The following RPL7A variants were observed in gnomAD, a reference collection of about 807,000 sequenced individuals.
The protein encoded by RPL7A is large ribosomal subunit protein eL8.
For missense variants in RPL7A, 291 were observed against 338.2 expected, an observed-to-expected ratio of 0.86 and a Z score of 1.09; for synonymous variants, 158 against 128.2, an observed-to-expected ratio of 1.23 and a Z score of -1.57.
rs2129997881 is a variant in RPL7A at position 133,351,065 on chromosome 9, C to T, written c.690C>T (p.Tyr230=). Residue 230 remains tyrosine (Y), a synonymous_variant, in exon 7 of 8, where the codon TAC becomes TAT. Transcript: ENST00000323345. ...TCAGGACCAATTACAATGACAGATA[C>T]GATGAGGTAAGAGGCAGCTTTACAC... ...EAIRTNYNDR[Y]DEIRRHWGGN... is the part of the protein sequence containing the mutation. The T allele has an allele frequency of 9.9e-6, 16 of 1,613,804 alleles. No homozygotes were observed. Among genetic ancestry groups the T allele is most frequent in the African/African-American group, 4.0e-5 (3 of 75,044 alleles).
chr9:133,350,118 G>A, intron 4 of RPL7A, 66 bp downstream of exon 4: 1 of 1,613,534 alleles, frequency 6.2e-7, no homozygotes, highest in Non-Finnish European at 8.5e-7. Context: ...AAATTTCTTG[G>A]CCTGAAATTA....
chr9:133,348,513 C>A (rs1006600393), intron 1 of RPL7A: 94 of 605,632 alleles, frequency 1.6e-4, no homozygotes, highest in East Asian at 3.9e-4. Context: ...TGGAGCACCG[C>A]AGTGCGGGGC....
chr9:133,348,309 C>T (rs1836267470), intron 1 of RPL7A, 63 bp downstream of exon 1: 3 of 1,612,578 alleles, frequency 1.9e-6, no homozygotes, highest in East Asian at 2.2e-5. Context: ...TGCCATCCTC[C>T]TCCAGGCGCG....
At position 133,349,727 on chromosome 9, in the gene RPL7A, T is replaced by C. The variant is rs1177090871; in HGVS notation, c.274+27T>C. The C allele has an allele frequency of 5.0e-6, 8 of 1,610,888 alleles. No individual in the cohort carries two copies. The South Asian group carries it at 5.5e-5, about 11-fold the overall frequency. ...TGAGGTTCTGTGGCGTGGAAAGGAG[T>C]TTCTCAGGCAAGGATTCCTTATTTC... On this transcript the variant is annotated intron_variant, in intron 3 of 7. Transcript: ENST00000323345.
intron 4 of RPL7A, 86 bp downstream of exon 4, chr9:133,350,138 GT>G: frequency 6.2e-7 from 1 of 1,613,388 alleles, no homozygotes. Flanking sequence ...ACTGTGAAGA[GT>G]AAAACCGAGC....
intron 1 of RPL7A, chr9:133,348,615 C>A (rs1397571663): frequency 1.6e-6 from 1 of 621,392 alleles, no homozygotes; most frequent in Non-Finnish European, 2.9e-6. Flanking sequence ...GCTTCTAGAG[C>A]CTGTGGGGCC....
chr9:133,350,875 C>A, intron 6 of RPL7A, 127 bp from the exon 7 acceptor site: 1 of 1,466,074 alleles, frequency 6.8e-7, no homozygotes, highest in Non-Finnish European at 9.6e-7. Context: ...ATTTCTTCAC[C>A]TGAATAAACC....
At chr9:133,348,330 G>T in intron 1 of RPL7A, 84 bp downstream of exon 1, 1 of 1,571,060 alleles carries the variant, frequency 6.4e-7, no homozygotes, top group Non-Finnish European at 8.8e-7. Context: ...GCCTCGGAGG[G>T]CCTCCTGCTC....
At chr9:133,350,563 C>A (rs2129994664) in intron 5 of RPL7A, 34 bp from the exon 6 acceptor site, 2 of 1,614,156 alleles carry the variant, frequency 1.2e-6, no homozygotes, top group South Asian at 1.1e-5. Flanking sequence ...TGCTTTTGGT[C>A]AAAATACAGT....
At chr9:133,349,839 A>G in intron 3 of RPL7A, 73 bp from the exon 4 acceptor site, 5 of 1,589,654 alleles carry the variant, frequency 3.1e-6, no homozygotes, top group Non-Finnish European at 4.3e-6. Context: ...GCAGTCCAGC[A>G]TTTGTTATTA....
intron 1 of RPL7A, 149 bp from the exon 2 acceptor site, chr9:133,348,773 G>C (rs781815904): frequency 8.6e-7 from 1 of 1,162,326 alleles, no homozygotes; most frequent in Non-Finnish European, 1.3e-6. Context: ...CTGTCGAGGG[G>C]TGGTGCTGGG....
Position 133,350,582 on chromosome 9 carries a change from A to G in RPL7A, c.496-15A>G, listed in dbSNP as rs2129994864. 1 of 1,614,040 alleles carries G rather than the reference A, an allele frequency of 6.2e-7. No individual in the cohort carries two copies. On this transcript the variant is annotated splice_polypyrimidine_tract_variant and intron_variant, in intron 5 of 7. Coordinates refer to ENST00000323345, the MANE Select transcript of RPL7A (RefSeq NM_000972.3). The stretch of plus-strand genomic sequence containing the variant: ...TTTGGTCAAAATACAGTCTTCAGCT[A>G]ATGCTTTCTTCCAGCTGGTTGTCTT...
chr9:133,350,813 C>G (rs1588686750), intron 6 of RPL7A, 86 bp downstream of exon 6: 1 of 1,582,866 alleles, frequency 6.3e-7, no homozygotes, highest in Middle Eastern at 1.7e-4. Flanking sequence ...AAAGGCCAAT[C>G]TTTTAGTTTA....
chr9:133,350,354 T>G, intron 5 of RPL7A, 35 bp downstream of exon 5: 1 of 1,608,734 alleles, frequency 6.2e-7, no homozygotes, highest in Non-Finnish European at 8.5e-7. Flanking sequence ...CCCAAGGGCT[T>G]CTGGCAGTAC....
chr9:133,350,951 A>C, intron 6 of RPL7A, 51 bp from the exon 7 acceptor site: 8 of 1,593,836 alleles, frequency 5.0e-6, no homozygotes, highest in Non-Finnish European at 6.9e-6. Context: ...TGCATTCTAA[A>C]AGGGAAACTA....
At position 133,350,018 on chromosome 9, in the gene RPL7A, C is replaced by T. The variant is rs2129990634; in HGVS notation, c.381C>T (p.Asp127=). The T allele has an allele frequency of 6.8e-6, 11 of 1,613,284 alleles. No homozygotes were observed. The highest frequency in any genetic ancestry group is 2.2e-5 in the South Asian group (2 of 91,038). ...AGAAGAAGGCTGCTGGCAAAGGGGA[C>T]GTCCCAACGAAGAGACCACCTGTCC... ...RAEKKAAGKG[D]VPTKRPPVLR... The change falls in exon 4 of 8, where the codon GAC becomes GAT. Residue 127 remains aspartate (D), a synonymous_variant. Transcript: ENST00000323345.
intron 2 of RPL7A, chr9:133,349,311 A>G: frequency 1.3e-6 from 1 of 796,436 alleles, no homozygotes; most frequent in Non-Finnish European, 2.2e-6. Context: ...AGGTACTAGG[A>G]CTGCAATTCT....
intron 2 of RPL7A, 36 bp from the exon 3 acceptor site, chr9:133,349,515 T>C: frequency 6.2e-7 from 1 of 1,613,980 alleles, no homozygotes; most frequent in Non-Finnish European, 8.5e-7. Context: ...TGACATGGAA[T>C]TTGAGCCTCA....
chr9:133,350,746 C>A lies in RPL7A; in HGVS notation c.626+19C>A, dbSNP rs2129995823. ...TGAACTCGTAAGTACACAGCCTGGC[C>A]CCAAACTTCCCCCCAGTTCATTTAA... is the stretch of plus-strand genomic sequence containing the variant. On this transcript the variant is annotated intron_variant, in intron 6 of 7. Coordinates refer to ENST00000323345, the MANE Select transcript of RPL7A (RefSeq NM_000972.3). 3 of 1,610,060 alleles carry A rather than the reference C, an allele frequency of 1.9e-6. No individual in the cohort carries two copies. Among genetic ancestry groups the A allele is most frequent in the Non-Finnish European group, 8.5e-7 (1 of 1,176,488 alleles).
Sources: allele counts gnomAD v4.1 joint callset, GRCh38; gene constraint gnomAD v4.1.1; transcripts MANE v1.5; gene names NCBI Gene and HGNC (gene_info 2026-07-23, HGNC 2026-07-21).